TCF12: variants seen among roughly 807,000 people sequenced by gnomAD.
TCF12 encodes the protein DNA-binding protein HTF4.
In TCF12, 45 loss-of-function variants were observed where a neutral mutation model predicts 86.0. That is an observed-to-expected ratio of 0.52 (90% confidence interval 0.41 to 0.67). TCF12 has a LOEUF of 0.67. Among genes scored for constraint, TCF12 ranks in the 30% least tolerant of loss-of-function variants. TCF12 has a pLI of 0.00. For synonymous variants in TCF12, 330 were observed against 299.6 expected, an observed-to-expected ratio of 1.10 and a Z score of -1.05; for missense variants, 881 against 859.9, an observed-to-expected ratio of 1.02 and a Z score of -0.31.
intron 13 of TCF12, among the ~76,000 whole-genome samples, chr15:57,248,279 C>T (rs990158845): frequency 6.6e-6 from 1 of 152,198 alleles, no homozygotes; most frequent in East Asian, 1.9e-4. Flanking sequence ...AATAGAATTG[C>T]TCTCTCCTGG....
chr15:57,244,088 A>T (rs1214674197), intron 13 of TCF12, among the ~76,000 whole-genome samples: 1 of 152,098 alleles, frequency 6.6e-6, no homozygotes, highest in Non-Finnish European at 1.5e-5. Context: ...TATGTTGCCC[A>T]GCCTAGTCTT....
At chr15:57,275,252 C>G (rs1293193864) in intron 19 of TCF12, among the ~76,000 whole-genome samples, 2 of 146,890 alleles carry the variant, frequency 1.4e-5, no homozygotes, top group East Asian at 4.0e-4. Flanking sequence ...GCCTACTTCT[C>G]CCCGGCCTTC....
intron 3 of TCF12, among the ~76,000 whole-genome samples, chr15:56,998,490 A>T (rs1366245836): frequency 6.6e-6 from 1 of 151,144 alleles, no homozygotes; most frequent in Non-Finnish European, 1.5e-5. Context: ...CTTGAAGGAG[A>T]CTATCAACCA....
At chr15:57,001,012 ATTTTTTTT>A (rs71113050) in intron 3 of TCF12, among the ~76,000 whole-genome samples, 1 of 126,738 alleles carries the variant, frequency 7.9e-6, no homozygotes, top group African/African-American at 2.9e-5. Flanking sequence ...TTTAAAAAAA[ATTTTTTTT>A]TTTTTTTTTT....
intron 5 of TCF12, among the ~76,000 whole-genome samples, chr15:57,153,602 T>C (rs2053914067): frequency 6.6e-6 from 1 of 152,176 alleles, no homozygotes; most frequent in Admixed American, 6.5e-5. Context: ...GTAACAGTAA[T>C]CTAAAAGATG....
At chr15:57,193,095 C>T (rs1478210015) in intron 7 of TCF12, among the ~76,000 whole-genome samples, 4 of 152,122 alleles carry the variant, frequency 2.6e-5, no homozygotes, top group Non-Finnish European at 5.9e-5. Flanking sequence ...CATCAGTTCA[C>T]CAATCCTGCT....
intron 18 of TCF12, among the ~76,000 whole-genome samples, 196 bp downstream of exon 18, chr15:57,263,470 AT>A (rs1161397909): frequency 7.2e-5 from 11 of 152,190 alleles, no homozygotes; most frequent in Non-Finnish European, 1.5e-4. Context: ...TTTCAAAATT[AT>A]GTTTTCCTTC....
chr15:56,977,361 C>T (rs1652737), intron 3 of TCF12, among the ~76,000 whole-genome samples: 26,375 of 151,816 alleles, frequency 0.17, 2,758 homozygotes, highest in Non-Finnish European at 0.23. Flanking sequence ...GGCAGAATCC[C>T]GTCTCTACTA....
At chr15:57,174,460 T>C (rs1315331300) in intron 6 of TCF12, among the ~76,000 whole-genome samples, 7 of 152,244 alleles carry the variant, frequency 4.6e-5, no homozygotes, top group Non-Finnish European at 7.3e-5. Flanking sequence ...ACAGAATACT[T>C]AGTGATGAAA....
Position 57,044,794 on chromosome 15 carries a change from T to A in TCF12, c.149-18956T>A, listed in dbSNP as rs368850499. ...TTTTCAAATGTTCACGGATTTGTTA[T>A]GTTTTCCATACAAATACATGTTTTG... is the stretch of plus-strand genomic sequence containing the variant. On this transcript the variant is annotated intron_variant, in intron 3 of 20. Transcript: ENST00000333725. Among the ~76,000 whole-genome samples, 52 of 152,354 alleles carry A rather than the reference T, an allele frequency of 3.4e-4. No individual in the cohort carries two copies. The East Asian group carries it at 4.6e-3, about 14-fold the overall frequency.
chr15:57,166,279 C>G, intron 5 of TCF12, 123 bp from the exon 6 acceptor site: 1 of 767,506 alleles, frequency 1.3e-6, no homozygotes, highest in South Asian at 2.2e-5. Flanking sequence ...ATTGTATCCT[C>G]TTATTTCTAA....
rs68154303 is a variant in TCF12, at chr15:57,240,879, C to CAAAAAA, written c.1036-2576_1036-2571dup. Among the ~76,000 whole-genome samples the CAAAAAA allele has an allele frequency of 1.9e-3, 123 of 65,566 alleles. 2 individuals are homozygous for CAAAAAA. Among genetic ancestry groups the CAAAAAA allele is most frequent in the Middle Eastern group, 0.012 (1 of 86 alleles). 43.0% of individuals were successfully genotyped at this position (65,566 alleles called of 152,430 possible). A position where few individuals can be genotyped will look rare whatever the true frequency, so the allele number is the denominator to read the frequency against. On this transcript the variant is annotated intron_variant, in intron 12 of 20. Coordinates refer to ENST00000333725, the MANE Select transcript of TCF12 (RefSeq NM_207037.2). ...TGGGTGACAGAGCAAGACCCTGTCT[C>CAAAAAA]AAAAAAAAAAAAAAAAAAAAAAGAA...
intron 3 of TCF12, among the ~76,000 whole-genome samples, chr15:56,973,411 T>C (rs1322883566): frequency 6.6e-6 from 1 of 152,136 alleles, no homozygotes; most frequent in Non-Finnish European, 1.5e-5. Context: ...CCACTGGCCT[T>C]ATCTGTGCTA....
At chr15:57,099,244 A>G (rs183562556) in intron 5 of TCF12, among the ~76,000 whole-genome samples, 4 of 152,302 alleles carry the variant, frequency 2.6e-5, no homozygotes, top group African/African-American at 7.2e-5. Flanking sequence ...TGTGAGCCAG[A>G]GATGACCTGA....
Position 57,085,873 on chromosome 15 carries a change from G to A in TCF12, c.223-5916G>A, listed in dbSNP as rs116986064. ...GCCCACTTAGAGGGTGTAAGATTTC[G>A]GTAATTGGTGGGAAATCTTGTAGCT... On this transcript the variant is annotated intron_variant, in intron 4 of 20. Transcript: ENST00000333725. Among the ~76,000 whole-genome samples the A allele has an allele frequency of 5.5e-3, 829 of 152,038 alleles. 3 individuals carry two copies. The highest frequency in any genetic ancestry group is 6.5e-3 in the Non-Finnish European group (444 of 67,984).
chr15:57,200,069 CGAG>C (rs1315207179), intron 8 of TCF12, among the ~76,000 whole-genome samples: 2 of 136,340 alleles, frequency 1.5e-5, no homozygotes, highest in Admixed American at 8.0e-5. Flanking sequence ...TTTGTAGAGA[CGAG>C]GAGGTCTCTG....
intron 3 of TCF12, among the ~76,000 whole-genome samples, chr15:57,037,973 G>T (rs2066622687): frequency 6.6e-6 from 1 of 152,182 alleles, no homozygotes; most frequent in Admixed American, 6.5e-5. Context: ...ATTTCTAGGG[G>T]TAAGGAGTTT....
At chr15:57,069,930 A>C (rs1171215642) in intron 4 of TCF12, among the ~76,000 whole-genome samples, 4 of 152,222 alleles carry the variant, frequency 2.6e-5, no homozygotes, top group Non-Finnish European at 5.9e-5. Context: ...TTGAGCATTA[A>C]AATCAAGCTG....
chr15:57,259,563 G>C (rs1383478977), intron 16 of TCF12, among the ~76,000 whole-genome samples: 4 of 152,212 alleles, frequency 2.6e-5, no homozygotes, highest in African/African-American at 9.7e-5. Context: ...AGAAAAGTAA[G>C]GCCATACATA....
Sources: gnomAD v4.1 joint callset for allele counts (sites outside exome capture counted in the v4.1 genomes callset) on GRCh38, gnomAD v4.1.1 for gene constraint, MANE v1.5 for transcripts, NCBI Gene and HGNC (gene_info 2026-07-23, HGNC 2026-07-21) for gene names.